ADAM12: variants seen among roughly 807,000 people sequenced by gnomAD.
The protein encoded by ADAM12 is ADAM metallopeptidase domain 12, also known as disintegrin and metalloproteinase domain-containing protein 12.
ADAM12 carries 70 observed loss-of-function variants against 106.4 expected under a neutral mutation model. That is an observed-to-expected ratio of 0.66 (90% CI 0.54 to 0.80). The LOEUF (loss-of-function observed/expected upper bound fraction) is 0.80, where lower values mean the gene tolerates loss of function less well. Ranked by LOEUF, ADAM12 falls within the 30% of genes least tolerant of loss-of-function variation. The pLI, the probability that ADAM12 is intolerant of heterozygous loss-of-function variation, is 0.00. For synonymous variants in ADAM12, 420 were observed against 433.5 expected, an observed-to-expected ratio of 0.97 and a Z score of 0.39; for missense variants, 1,010 against 1,171.9, an observed-to-expected ratio of 0.86 and a Z score of 2.02.
chr10:126,231,389 AG>A (rs1237464010), intron 3 of ADAM12, among the ~76,000 whole-genome samples: 1 of 135,724 alleles, frequency 7.4e-6, no homozygotes, highest in African/African-American at 2.8e-5. Flanking sequence ...GAAGATTAGT[AG>A]GAAAAAAAAA....
At chr10:126,240,292 G>A (rs1958497488) in intron 3 of ADAM12, among the ~76,000 whole-genome samples, 1 of 152,212 alleles carries the variant, frequency 6.6e-6, no homozygotes, top group Admixed American at 6.5e-5. Flanking sequence ...TAAGCTCTGG[G>A]CATTGTGGCA....
intron 2 of ADAM12, among the ~76,000 whole-genome samples, chr10:126,299,970 C>T (rs940267465): frequency 6.6e-6 from 1 of 152,188 alleles, no homozygotes; most frequent in Non-Finnish European, 1.5e-5. Flanking sequence ...CTCTGACATC[C>T]TCATATCACC....
chr10:126,142,202 G>A (rs1956525812), intron 4 of ADAM12, among the ~76,000 whole-genome samples: 1 of 152,112 alleles, frequency 6.6e-6, no homozygotes, highest in South Asian at 2.1e-4. Flanking sequence ...CGGCACTAGA[G>A]GAATTAAAGA....
intron 2 of ADAM12, 76 bp from the exon 3 acceptor site, chr10:126,279,064 C>G: frequency 9.0e-7 from 1 of 1,116,824 alleles, no homozygotes; most frequent in Non-Finnish European, 1.3e-6. Context: ...GACCCACAGG[C>G]GTAGTCAAAT....
At chr10:126,375,101 T>C (rs1856236680) in intron 1 of ADAM12, among the ~76,000 whole-genome samples, 1 of 152,026 alleles carries the variant, frequency 6.6e-6, no homozygotes, top group Non-Finnish European at 1.5e-5. Flanking sequence ...TGGTTATCCA[T>C]ACATACCTAG....
At chr10:126,017,384 A>G (rs1453809369) in intron 22 of ADAM12, 45 bp from the exon 23 acceptor site, 1 of 1,515,188 alleles carries the variant, frequency 6.6e-7, no homozygotes, top group East Asian at 2.4e-5. Context: ...GACCTTGAGA[A>G]GTGATTCTGA....
intron 3 of ADAM12, among the ~76,000 whole-genome samples, chr10:126,244,573 C>T (rs180747494): frequency 2.4e-3 from 367 of 152,296 alleles, no homozygotes; most frequent in Non-Finnish European, 4.4e-3. Context: ...CCTCTTCCTT[C>T]AGCAGGAAAG....
rs546354497 is a variant in ADAM12 at position 126,062,872 on chromosome 10, G to A, written c.1609+1934C>T. On this transcript the variant is annotated intron_variant, in intron 14 of 22. Coordinates refer to ENST00000448723, the MANE Select transcript of ADAM12 (RefSeq NM_001288973.2). ...TCTGGAGAAAGGCTGGGACGGGGACGGCACTAGGGATGCCTGAAGCCATGA... is the reference window on the plus strand; with the variant it reads ...TCTGGAGAAAGGCTGGGACGGGGACAGCACTAGGGATGCCTGAAGCCATGA... Among the ~76,000 whole-genome samples the A allele has an allele frequency of 1.4e-4, 21 of 152,336 alleles. No individual in the cohort carries two copies. The South Asian group carries it at 3.3e-3, about 24-fold the overall frequency.
At chr10:126,166,593 G>A (rs924452280) in intron 3 of ADAM12, among the ~76,000 whole-genome samples, 11 of 151,388 alleles carry the variant, frequency 7.3e-5, no homozygotes, top group African/African-American at 1.7e-4. Flanking sequence ...TCCACCTCCC[G>A]GTTTAAGTGA....
intron 1 of ADAM12, among the ~76,000 whole-genome samples, chr10:126,341,868 A>G (rs1425518102): frequency 2.0e-5 from 3 of 152,196 alleles, no homozygotes; most frequent in Non-Finnish European, 2.9e-5. Flanking sequence ...TTTGAAGGTT[A>G]ACTCTTAAAT....
At chr10:126,207,217 A>G (rs936553020) in intron 3 of ADAM12, among the ~76,000 whole-genome samples, 2 of 152,198 alleles carry the variant, frequency 1.3e-5, no homozygotes, top group African/African-American at 4.8e-5. Flanking sequence ...CAGATGAGAA[A>G]GCTTGGGGGA....
intron 3 of ADAM12, among the ~76,000 whole-genome samples, chr10:126,172,094 A>C (rs573457741): frequency 1.3e-5 from 2 of 152,224 alleles, no homozygotes; most frequent in Non-Finnish European, 2.9e-5. Flanking sequence ...AAAAAATACT[A>C]TTATGATCTC....
chr10:126,361,341 G>A (rs1195117075), intron 1 of ADAM12, among the ~76,000 whole-genome samples: 1 of 152,136 alleles, frequency 6.6e-6, no homozygotes, highest in East Asian at 1.9e-4. Flanking sequence ...AATGAGTATT[G>A]TTAACATGGC....
chr10:126,099,880 A>G (rs1955627600), intron 9 of ADAM12, among the ~76,000 whole-genome samples: 1 of 152,262 alleles, frequency 6.6e-6, no homozygotes, highest in African/African-American at 2.4e-5. Flanking sequence ...GCTATAAGCC[A>G]CATGACAACA....
chr10:126,171,924 A>G (rs557717558), intron 3 of ADAM12, among the ~76,000 whole-genome samples: 2 of 152,320 alleles, frequency 1.3e-5, no homozygotes, highest in African/African-American at 4.8e-5. Flanking sequence ...TTCTAGAAAC[A>G]TGCTCCAGAA....
intron 21 of ADAM12, among the ~76,000 whole-genome samples, chr10:126,034,563 A>G (rs1044007940): frequency 1.2e-4 from 19 of 152,192 alleles, no homozygotes; most frequent in Non-Finnish European, 7.4e-5. Context: ...CTTAAATCCA[A>G]ACATATCAAC....
chr10:126,291,391 C>T (rs570732582), intron 2 of ADAM12, among the ~76,000 whole-genome samples: 3 of 152,312 alleles, frequency 2.0e-5, no homozygotes, highest in Admixed American at 2.0e-4. Flanking sequence ...TCACTATGTA[C>T]TGAGGCCGAA....
At chr10:126,373,697 G>A (rs1224284784) in intron 1 of ADAM12, among the ~76,000 whole-genome samples, 3 of 152,184 alleles carry the variant, frequency 2.0e-5, no homozygotes, top group African/African-American at 7.2e-5. Flanking sequence ...AAACACAGTG[G>A]ACTGAGTTGA....
intron 3 of ADAM12, among the ~76,000 whole-genome samples, chr10:126,226,428 G>A (rs1000789375): frequency 6.6e-6 from 1 of 152,212 alleles, no homozygotes; most frequent in African/African-American, 2.4e-5. Flanking sequence ...GGCAAGGGGT[G>A]TGAAGGCAAC....
Sources: allele counts gnomAD v4.1 joint callset (sites outside exome capture counted in the v4.1 genomes callset), GRCh38; gene constraint gnomAD v4.1.1; transcripts MANE v1.5; gene names NCBI Gene and HGNC (gene_info 2026-07-23, HGNC 2026-07-21).